Variants in TNS3 observed in about 807,000 individuals in gnomAD.
The protein encoded by TNS3 is tensin-3.
In TNS3, 45 loss-of-function variants were observed where a neutral mutation model predicts 140.9. That is an observed-to-expected ratio of 0.32 (90% confidence interval 0.25 to 0.41). The LOEUF (loss-of-function observed/expected upper bound fraction) is 0.41, where lower values mean the gene tolerates loss of function less well. TNS3 is among the 10% of genes least tolerant of loss of function. TNS3 has a pLI of 1.00. For synonymous variants in TNS3, 815 were observed against 788.4 expected (o/e 1.03, Z -0.56); for missense variants, 1,716 against 1,906.7 (o/e 0.90, Z 1.86).
chr7:47,577,115 C>G (rs1007540793), intron 1 of TNS3, among the ~76,000 whole-genome samples: 1 of 152,146 alleles, frequency 6.6e-6, no homozygotes, highest in Non-Finnish European at 1.5e-5. Context: ...CTGGAGGTGT[C>G]CCCGGTGTCC....
Position 47,275,775 on chromosome 7 carries a change from T to C in TNS3, c.*2301A>G. On this transcript the variant is annotated 3_prime_UTR_variant, in exon 31 of 31. Transcript: ENST00000311160. Reference sequence around the variant, plus strand: ...CCGATGCCCTTGACCACGTTTACCTTGTGTAAAAATCACACCTGGCCAATG... The same window carrying C: ...CCGATGCCCTTGACCACGTTTACCTCGTGTAAAAATCACACCTGGCCAATG... The C allele has an allele frequency of 2.2e-6, 1 of 455,368 alleles. No homozygotes were observed. Among genetic ancestry groups the C allele is most frequent in the South Asian group, 1.6e-5 (1 of 64,516 alleles). The allele number at this position is 455,368 out of a possible 1,614,324, so 28.2% of individuals were successfully genotyped here.
chr7:47,280,402 T>G (rs748046712), intron 28 of TNS3, 48 bp from the exon 29 acceptor site: 1 of 1,567,958 alleles, frequency 6.4e-7, no homozygotes, highest in South Asian at 1.1e-5. Context: ...CTAGGGCTTT[T>G]GGGTGATGGG....
intron 10 of TNS3, among the ~76,000 whole-genome samples, chr7:47,420,096 C>T (rs1223340243): frequency 6.6e-6 from 1 of 152,222 alleles, no homozygotes; most frequent in Non-Finnish European, 1.5e-5. Flanking sequence ...TGAGGAGCCT[C>T]ATCCTTTAGA....
In TNS3 at chr7:47,453,279, C is replaced by T. The variant is rs1184646047; in HGVS notation, c.-75-11224G>A. 6 of 983,936 alleles carry T rather than the reference C, an allele frequency of 6.1e-6. No individual in the cohort carries two copies. The South Asian group carries it at 1.9e-4, about 31-fold the overall frequency. The allele number at this position is 983,936 out of a possible 1,614,324, so 61.0% of individuals were successfully genotyped here. ...GCCTGAGGGACAGGAACAAGAACAGCGCTCTCCGGGAGAGCCTTCTGACCA... is the reference window on the plus strand; with the variant it reads ...GCCTGAGGGACAGGAACAAGAACAGTGCTCTCCGGGAGAGCCTTCTGACCA... On this transcript the variant is annotated intron_variant, in intron 4 of 30. Transcript: ENST00000311160.
At chr7:47,340,113 ATATTTTT>A (rs1788900788) in intron 20 of TNS3, among the ~76,000 whole-genome samples, 1 of 42,050 alleles carries the variant, frequency 2.4e-5, no homozygotes, top group South Asian at 9.9e-4. Context: ...ATATATATAT[ATATTTTT>A]TTTTTTTTTT....
chr7:47,485,197 T>C (rs1797565239), intron 3 of TNS3, among the ~76,000 whole-genome samples: 1 of 152,084 alleles, frequency 6.6e-6, no homozygotes. Context: ...TGCAGGGGCG[T>C]GAAAGGATGA....
chr7:47,399,080 G>GA (rs55834937), intron 15 of TNS3, among the ~76,000 whole-genome samples: 28,126 of 93,208 alleles, frequency 0.3, 3,997 homozygotes, highest in Non-Finnish European at 0.34. Context: ...TACGACAGCT[G>GA]AAAAAAAAAA....
chr7:47,321,229 T>C (rs1325109586), intron 20 of TNS3, among the ~76,000 whole-genome samples: 1 of 152,216 alleles, frequency 6.6e-6, no homozygotes, highest in East Asian at 1.9e-4. Flanking sequence ...AGGTTTCCGA[T>C]TCATACCATG....
chr7:47,393,603 A>G (rs1388575426), intron 16 of TNS3, among the ~76,000 whole-genome samples: 1 of 152,100 alleles, frequency 6.6e-6, no homozygotes. Flanking sequence ...TTCAGATATC[A>G]TCGAGGCTGC....
intron 4 of TNS3, among the ~76,000 whole-genome samples, chr7:47,461,086 A>G (rs771420306): frequency 1.3e-5 from 2 of 152,216 alleles, no homozygotes; most frequent in Non-Finnish European, 2.9e-5. Context: ...AACGGGAAAG[A>G]GCATATTCCC....
chr7:47,392,465 T>C (rs374843190), intron 16 of TNS3, among the ~76,000 whole-genome samples: 3 of 152,134 alleles, frequency 2.0e-5, no homozygotes, highest in African/African-American at 7.2e-5. Flanking sequence ...TTTTGGGGTT[T>C]TTTAACCAGG....
At chr7:47,367,575 C>T (rs1422212331) in intron 17 of TNS3, among the ~76,000 whole-genome samples, 1 of 152,218 alleles carries the variant, frequency 6.6e-6, no homozygotes, top group African/African-American at 2.4e-5. Context: ...GGGAAAAGGA[C>T]ATGTGCAGTC....
rs1431218169 is a variant in TNS3 at position 47,516,800 on chromosome 7, C to G, written c.-152-9856G>C. 6.6e-5 allele frequency among the ~76,000 whole-genome samples: 10 copies of G among 152,308 alleles called. No individual in the cohort carries two copies. In the East Asian group the frequency reaches 1.7e-3, roughly 26 times the overall value. On this transcript the variant is annotated intron_variant, in intron 2 of 30. Transcript: ENST00000311160. Reference sequence around the variant, plus strand: ...CTTGTGGGTCAGGAGCAGTGGCTCACGGCTATAATCCCAGCACTTTGGGAG... The same window carrying G: ...CTTGTGGGTCAGGAGCAGTGGCTCAGGGCTATAATCCCAGCACTTTGGGAG...
intron 2 of TNS3, among the ~76,000 whole-genome samples, chr7:47,518,072 C>G (rs567710819): frequency 6.6e-6 from 1 of 152,318 alleles, no homozygotes; most frequent in South Asian, 2.1e-4. Context: ...TTTGCACAGG[C>G]CTTTGTGGCA....
intron 1 of TNS3, chr7:47,538,983 C>G: frequency 2.2e-6 from 1 of 456,226 alleles, no homozygotes; most frequent in Admixed American, 2.3e-5. Flanking sequence ...CATAGCAGTG[C>G]CTACAAACAG....
chr7:47,527,912 A>G (rs1258903102), intron 2 of TNS3, among the ~76,000 whole-genome samples: 1 of 152,046 alleles, frequency 6.6e-6, no homozygotes, highest in East Asian at 1.9e-4. Flanking sequence ...GTCTCCAAAA[A>G]AAAAAAAAAA....
At chr7:47,457,868 T>A (rs1320767601) in intron 4 of TNS3, among the ~76,000 whole-genome samples, 5 of 152,136 alleles carry the variant, frequency 3.3e-5, no homozygotes, top group Non-Finnish European at 7.4e-5. Context: ...AGTGTCCTCA[T>A]CTGTAAAAAC....
chr7:47,476,231 A>T (rs923906173), intron 4 of TNS3, among the ~76,000 whole-genome samples: 7 of 152,212 alleles, frequency 4.6e-5, no homozygotes, highest in Non-Finnish European at 1.0e-4. Flanking sequence ...CAGAAAAGTG[A>T]AAGAACTCCA....
At chr7:47,550,133 A>C (rs902324568) in intron 1 of TNS3, among the ~76,000 whole-genome samples, 1 of 151,572 alleles carries the variant, frequency 6.6e-6, no homozygotes, top group Non-Finnish European at 1.5e-5. Context: ...CCCAGGCCTC[A>C]GGGCCCCACA....
Sources: allele counts gnomAD v4.1 joint callset (sites outside exome capture counted in the v4.1 genomes callset), GRCh38; gene constraint gnomAD v4.1.1; transcripts MANE v1.5; gene names NCBI Gene and HGNC (gene_info 2026-07-23, HGNC 2026-07-21).